Variants in NHS observed in about 807,000 individuals in gnomAD.
NHS encodes the protein NHS actin remodeling regulator.
In NHS, 5 loss-of-function variants were observed where a neutral mutation model predicts 72.5. That is an observed-to-expected ratio of 0.07 (90% CI 0.04 to 0.14). The LOEUF is 0.14. Ranked by LOEUF, NHS falls within the 10% of genes least tolerant of loss-of-function variation. The pLI is 1.00. For missense variants in NHS, 1,072 were observed against 1,355.7 expected (o/e 0.79, Z 3.29); for synonymous variants, 464 against 547.7 (o/e 0.85, Z 2.13).
intron 1 of NHS, chrX:17,585,844 T>A (rs756896660): frequency 9.1e-6 from 1 of 109,535 alleles, no homozygotes; most frequent in Non-Finnish European, 1.9e-5. Context: ...GGGTTTTTTT[T>A]ATGAAGTGAA....
At chrX:17,591,569 C>T (rs769829075) in intron 1 of NHS, among the ~76,000 whole-genome samples, 3 of 111,794 alleles carry the variant, frequency 2.7e-5, no homozygotes, top group East Asian at 5.6e-4. Flanking sequence ...TTTCTGCCTT[C>T]GTGCCCAGGT....
intron 1 of NHS, among the ~76,000 whole-genome samples, chrX:17,382,907 C>T (rs554006156): frequency 8.9e-6 from 1 of 111,962 alleles, no homozygotes; most frequent in African/African-American, 3.2e-5. Context: ...TTGGGAAGGC[C>T]AGAGGTGCCA....
chrX:17,680,554 C>G (rs2066121099), intron 1 of NHS, among the ~76,000 whole-genome samples: 1 of 113,165 alleles, frequency 8.8e-6, no homozygotes, highest in South Asian at 3.6e-4. Context: ...CTTCACAAAA[C>G]AACACTGCAT....
At position 17,727,902 on chromosome X, in the gene NHS, A is replaced by C; in HGVS notation, c.3796A>C (p.Asn1266His). Residue 1266 changes from asparagine to histidine, a missense_variant, in exon 7 of 9, where the codon AAC becomes CAC. Physicochemically the swap from Asn to His is moderately conservative, Grantham distance 68. Transcript: ENST00000676302. ...EPIPENTPTK[N>H]CAFPTEGFQR... ...TATTCCAGAAAACACGCCAACCAAA[A>C]ACTGTGCTTTTCCCACAGAAGGATT... is the stretch of plus-strand genomic sequence containing the variant. The C allele has an allele frequency of 8.3e-7, 1 of 1,211,676 alleles. No homozygotes were observed. Among genetic ancestry groups the C allele is most frequent in the East Asian group, 3.0e-5 (1 of 33,834 alleles).
intron 1 of NHS, among the ~76,000 whole-genome samples, chrX:17,413,426 T>C (rs1170372333): frequency 1.8e-5 from 2 of 112,289 alleles, no homozygotes; most frequent in Admixed American, 9.4e-5. Flanking sequence ...ATGTGGGCTG[T>C]GCAAGTTGCT....
chrX:17,597,210 C>G (rs1002849155), intron 1 of NHS, among the ~76,000 whole-genome samples: 2 of 105,861 alleles, frequency 1.9e-5, no homozygotes, highest in Admixed American at 1.0e-4. Flanking sequence ...AGCTCCGCCT[C>G]CCGGGTTCAC....
chrX:17,514,574 G>T (rs1256328632), intron 1 of NHS, among the ~76,000 whole-genome samples: 2 of 111,974 alleles, frequency 1.8e-5, no homozygotes, highest in Non-Finnish European at 3.8e-5. Context: ...TTGCTCTTCA[G>T]CCTGCAGAAG....
At chrX:17,511,578 A>T (rs1023199904) in intron 1 of NHS, among the ~76,000 whole-genome samples, 1 of 111,929 alleles carries the variant, frequency 8.9e-6, no homozygotes, top group Non-Finnish European at 1.9e-5. Context: ...AGGTCCCAGG[A>T]ATCTGTATTT....
chrX:17,690,154 G>A (rs974193523), intron 2 of NHS, among the ~76,000 whole-genome samples: 2 of 112,104 alleles, frequency 1.8e-5, no homozygotes, highest in African/African-American at 6.5e-5. Context: ...ACTGCAGAGA[G>A]CCATAAACAA....
intron 1 of NHS, among the ~76,000 whole-genome samples, chrX:17,530,629 A>T (rs1278159308): frequency 9.0e-6 from 1 of 111,606 alleles, no homozygotes; most frequent in Non-Finnish European, 1.9e-5. Flanking sequence ...TTAATGTTTC[A>T]GAAGCGCTGG....
intron 1 of NHS, among the ~76,000 whole-genome samples, chrX:17,644,921 G>T (rs928103397): frequency 1.8e-5 from 2 of 110,891 alleles, no homozygotes; most frequent in Non-Finnish European, 3.8e-5. Flanking sequence ...ATAAAATAGC[G>T]TCTCTCAAGG....
intron 1 of NHS, among the ~76,000 whole-genome samples, chrX:17,529,221 T>C (rs1479812448): frequency 9.0e-6 from 1 of 111,479 alleles, no homozygotes; most frequent in African/African-American, 3.3e-5. Flanking sequence ...TGCTGCTCAT[T>C]GAGTTATTTA....
chrX:17,520,658 T>C (rs1281262330), intron 1 of NHS, among the ~76,000 whole-genome samples: 2 of 111,784 alleles, frequency 1.8e-5, no homozygotes, highest in East Asian at 5.6e-4. Flanking sequence ...CTAAGCATGA[T>C]TGGGAAGTAG....
At position 17,558,020 on chromosome X, in the gene NHS, G is replaced by T. The variant is rs769350103; in HGVS notation, c.566-129722G>T. Among the ~76,000 whole-genome samples, 5 of 111,747 alleles carry T rather than the reference G, an allele frequency of 4.5e-5. No individual in the cohort carries two copies. In the South Asian group the frequency reaches 1.9e-3, roughly 42 times the overall value. ...CATCCCATCACTTTTGCTGTATTTT[G>T]TTCATTGGAAGTCAGTCACTAGGTA... On this transcript the variant is annotated intron_variant, in intron 1 of 8. Coordinates refer to ENST00000676302, the MANE Select transcript of NHS (RefSeq NM_001291867.2).
chrX:17,698,021 C>T (rs1026400493), intron 3 of NHS, among the ~76,000 whole-genome samples: 1 of 109,262 alleles, frequency 9.2e-6, no homozygotes, highest in Non-Finnish European at 1.9e-5. Flanking sequence ...AGAAACATAA[C>T]AAATATAACA....
At chrX:17,682,427 A>G (rs1363515666) in intron 1 of NHS, among the ~76,000 whole-genome samples, 1 of 111,287 alleles carries the variant, frequency 9.0e-6, no homozygotes, top group Non-Finnish European at 1.9e-5. Context: ...TTGTGGAGGG[A>G]TGTGTTCCTG....
At position 17,692,356 on chromosome X, in the gene NHS, G is replaced by A. The variant is rs758435083; in HGVS notation, c.740G>A (p.Arg247His). 12 of 1,207,625 alleles carry A rather than the reference G, an allele frequency of 9.9e-6. No individual in the cohort carries two copies. The highest frequency in any genetic ancestry group is 2.3e-4 in the Middle Eastern group (1 of 4,364). ...TCAGAACACCGGAGCCGGAGCGATC[G>A]CCGAGAGCAAAGAGCAGCTGCCCCC... is the stretch of plus-strand genomic sequence containing the variant. ...LRREHRSRSD[R>H]REQRAAAPLS... The change falls in exon 3 of 9, where the codon CGC (arginine) becomes CAC (histidine). Residue 247 changes from arginine to histidine, a missense_variant. Transcript: ENST00000676302.
intron 1 of NHS, among the ~76,000 whole-genome samples, chrX:17,657,070 C>T (rs190265205): frequency 9.8e-5 from 11 of 112,804 alleles, no homozygotes; most frequent in African/African-American, 3.5e-4. Flanking sequence ...TTAACCCCAT[C>T]GCCCCCACCT....
At chrX:17,463,641 G>A (rs138527838) in intron 1 of NHS, among the ~76,000 whole-genome samples, 1 of 111,454 alleles carries the variant, frequency 9.0e-6, no homozygotes, top group East Asian at 2.8e-4. Flanking sequence ...CAAGGGAAAG[G>A]TTCCCTTTTG....
Sources: allele counts gnomAD v4.1 joint callset (sites outside exome capture counted in the v4.1 genomes callset), GRCh38; gene constraint gnomAD v4.1.1; transcripts MANE v1.5; gene names NCBI Gene and HGNC (gene_info 2026-07-23, HGNC 2026-07-21).